Variants in FHIT observed in about 807,000 individuals in gnomAD.
The protein encoded by FHIT is bis(5'-adenosyl)-triphosphatase.
FHIT carries 19 observed loss-of-function variants against 17.9 expected under a neutral mutation model. The observed-to-expected ratio is 1.06, with a 90% CI of 0.74 to 1.56. The LOEUF (loss-of-function observed/expected upper bound fraction) is 1.56, where lower values mean the gene tolerates loss of function less well. FHIT is among the 40% of genes most tolerant of loss of function. The pLI is 0.00. For synonymous variants in FHIT, 81 were observed against 69.7 expected (o/e 1.16, Z -0.81); for missense variants, 248 against 189.2 (o/e 1.31, Z -1.82).
At chr3:60,789,621 A>C (rs1195082382) in intron 4 of FHIT, among the ~76,000 whole-genome samples, 1 of 152,202 alleles carries the variant, frequency 6.6e-6, no homozygotes, top group Non-Finnish European at 1.5e-5. Context: ...CAGCAATGTA[A>C]ATTTAAGCTT....
intron 4 of FHIT, among the ~76,000 whole-genome samples, chr3:60,588,327 A>G (rs1342475305): frequency 1.3e-5 from 2 of 152,096 alleles, no homozygotes; most frequent in Non-Finnish European, 2.9e-5. Context: ...TTTAAAATAT[A>G]TATCTTCAAT....
At chr3:59,808,404 C>T (rs1298326425) in intron 8 of FHIT, among the ~76,000 whole-genome samples, 1 of 152,016 alleles carries the variant, frequency 6.6e-6, no homozygotes, top group Non-Finnish European at 1.5e-5. Flanking sequence ...GAGATGGAGG[C>T]CCTCTCTGAC....
intron 4 of FHIT, among the ~76,000 whole-genome samples, chr3:60,538,659 T>C (rs2036073632): frequency 1.3e-5 from 2 of 152,160 alleles, no homozygotes. Context: ...TATCTGATCT[T>C]TGACAAACCT....
At chr3:60,100,194 C>A (rs565033389) in intron 5 of FHIT, among the ~76,000 whole-genome samples, 1 of 151,978 alleles carries the variant, frequency 6.6e-6, no homozygotes, top group African/African-American at 2.4e-5. Context: ...GCCTGACCCC[C>A]GTCAATATGG....
At chr3:59,775,800 T>C in intron 8 of FHIT, among the ~76,000 whole-genome samples, 1 of 152,190 alleles carries the variant, frequency 6.6e-6, no homozygotes, top group Non-Finnish European at 1.5e-5. Context: ...GTCTGAACTC[T>C]ACACTCACAG....
At chr3:59,839,800 A>C (rs1202900951) in intron 8 of FHIT, among the ~76,000 whole-genome samples, 1 of 152,214 alleles carries the variant, frequency 6.6e-6, no homozygotes, top group Admixed American at 6.5e-5. Context: ...GAGAAAAAAA[A>C]TAAATCTATC....
chr3:60,355,618 A>G (rs1424611199), intron 5 of FHIT, among the ~76,000 whole-genome samples: 1 of 152,240 alleles, frequency 6.6e-6, no homozygotes. Flanking sequence ...AATAGATTTT[A>G]AAACTCAATG....
At chr3:60,503,094 T>C (rs12498050) in intron 5 of FHIT, among the ~76,000 whole-genome samples, 30,883 of 152,156 alleles carry the variant, frequency 0.2, 3,885 homozygotes, top group African/African-American at 0.34. Flanking sequence ...TGATCAGTTC[T>C]AGGTTCTCTT....
chr3:60,898,584 T>C (rs1210661427), intron 3 of FHIT, among the ~76,000 whole-genome samples: 1 of 152,210 alleles, frequency 6.6e-6, no homozygotes, highest in Non-Finnish European at 1.5e-5. Context: ...TAAGCAAATT[T>C]AGAACAAAAC....
chr3:60,467,257 G>A (rs994875144), intron 5 of FHIT, among the ~76,000 whole-genome samples: 2 of 150,420 alleles, frequency 1.3e-5, no homozygotes, highest in African/African-American at 4.9e-5. Context: ...CTTTTTTTCT[G>A]AAGATTTGTC....
intron 5 of FHIT, among the ~76,000 whole-genome samples, chr3:60,518,516 C>A (rs1028590123): frequency 2.6e-5 from 4 of 152,174 alleles, no homozygotes; most frequent in African/African-American, 9.7e-5. Context: ...TGCTAGTATA[C>A]AATAACTTCC....
chr3:59,779,566 A>T (rs1407216446), intron 8 of FHIT, among the ~76,000 whole-genome samples: 1 of 152,176 alleles, frequency 6.6e-6, no homozygotes, highest in East Asian at 1.9e-4. Flanking sequence ...ATTCATGAAA[A>T]CATCATTTTT....
At chr3:60,018,106 A>T (rs1005945235) in intron 5 of FHIT, among the ~76,000 whole-genome samples, 2 of 152,190 alleles carry the variant, frequency 1.3e-5, no homozygotes, top group African/African-American at 4.8e-5. Context: ...TGGCTTCTGA[A>T]TTTGGTGGAG....
chr3:61,207,350 G>A (rs1029599537), intron 1 of FHIT, among the ~76,000 whole-genome samples: 3 of 152,154 alleles, frequency 2.0e-5, no homozygotes, highest in African/African-American at 4.8e-5. Flanking sequence ...AGTTAGGGAG[G>A]ATTTCCTCTT....
At chr3:60,207,162 C>A (rs1188724016) in intron 5 of FHIT, among the ~76,000 whole-genome samples, 1 of 145,726 alleles carries the variant, frequency 6.9e-6, no homozygotes, top group Non-Finnish European at 1.5e-5. Context: ...GGGAGTGTGT[C>A]AGTGTGCGTG....
At chr3:60,750,635 G>A (rs1341052164) in intron 4 of FHIT, among the ~76,000 whole-genome samples, 3 of 152,154 alleles carry the variant, frequency 2.0e-5, no homozygotes, top group Non-Finnish European at 4.4e-5. Context: ...GGTCTCTCCA[G>A]CCATGTGGAA....
In FHIT at chr3:60,458,784, T is replaced by C. The variant is rs74593897; in HGVS notation, c.103+78076A>G. On this transcript the variant is annotated intron_variant, in intron 5 of 9. Coordinates refer to ENST00000492590, the MANE Select transcript of FHIT (RefSeq NM_002012.4). The stretch of plus-strand genomic sequence containing the variant: ...GGGGCTATGTGCATTCTACTATATA[T>C]ATTTTTAAAGACATGGTCTCACTCT... 2.8e-3 allele frequency among the ~76,000 whole-genome samples: 433 copies of C among 152,126 alleles called. 3 individuals carry two copies. Among genetic ancestry groups the C allele is most frequent in the African/African-American group, 1.0e-2 (414 of 41,500 alleles).
At chr3:61,165,393 T>C (rs1035574823) in intron 2 of FHIT, among the ~76,000 whole-genome samples, 1 of 152,250 alleles carries the variant, frequency 6.6e-6, no homozygotes, top group Non-Finnish European at 1.5e-5. Flanking sequence ...TGATTAGTGA[T>C]GATGAGCATT....
chr3:61,075,502 C>A (rs1474016488), intron 2 of FHIT, among the ~76,000 whole-genome samples: 1 of 151,868 alleles, frequency 6.6e-6, no homozygotes, highest in East Asian at 1.9e-4. Context: ...AAGACCATTG[C>A]ATAGAAACAA....
Sources: gnomAD v4.1 joint callset for allele counts (sites outside exome capture counted in the v4.1 genomes callset) on GRCh38, gnomAD v4.1.1 for gene constraint, MANE v1.5 for transcripts, NCBI Gene and HGNC (gene_info 2026-07-23, HGNC 2026-07-21) for gene names.